Variants in ANKRD16 observed in about 807,000 individuals in gnomAD.
ANKRD16 encodes the protein ankyrin repeat domain 16, also known as ankyrin repeat domain-containing protein 16.
In ANKRD16, 35 loss-of-function variants were observed where a neutral mutation model predicts 37.9. The ratio of observed to expected loss-of-function variants is 0.92; its 90% confidence interval spans 0.71 to 1.23. The LOEUF is 1.23. ANKRD16 is among the 50% of genes most tolerant of loss of function. The pLI, the probability that ANKRD16 is intolerant of heterozygous loss-of-function variation, is 0.00. For missense variants in ANKRD16, 480 were observed against 469.9 expected, an observed-to-expected ratio of 1.02 and a Z score of -0.20; for synonymous variants, 206 against 197.2, an observed-to-expected ratio of 1.04 and a Z score of -0.37.
chr10:5,880,513 T>C, intron 5 of ANKRD16, 137 bp from the exon 6 acceptor site: 1 of 430,234 alleles, frequency 2.3e-6, no homozygotes, highest in Non-Finnish European at 4.1e-6. Context: ...GAGAGACAGG[T>C]CTGTGTCTCT....
Position 5,880,334 on chromosome 10 carries a change from C to T in ANKRD16, c.892G>A (p.Ala298Thr). The T allele has an allele frequency of 6.2e-7, 1 of 1,604,080 alleles. No homozygotes were observed. The highest frequency in any genetic ancestry group is 8.5e-7 in the Non-Finnish European group (1 of 1,176,136). ...TTTTCATCTTTAGAATTGATGTCAG[C>T]TCCCAAGGATAAGAGAGTCTGAATT... ...STIQTLLSLG[A>T]DINSKDEKNR... Residue 298 changes from alanine (A) to threonine (T), a missense_variant, in exon 6 of 8, where the codon GCT (alanine) becomes ACT (threonine). By Grantham distance (58) the Ala-to-Thr change is moderately conservative (BLOSUM62 0). Coordinates refer to ENST00000380094, the MANE Select transcript of ANKRD16 (RefSeq NM_019046.3).
chr10:5,867,549 A>G (rs1842034142), intron 7 of ANKRD16, among the ~76,000 whole-genome samples: 1 of 152,204 alleles, frequency 6.6e-6, no homozygotes, highest in Non-Finnish European at 1.5e-5. Flanking sequence ...TTAAAATCCC[A>G]AACTTATAAG....
At position 5,866,912 on chromosome 10, in the gene ANKRD16, G is replaced by C. The variant is rs184180096; in HGVS notation, c.*34-4221C>G. ...GAGACAGACAAAGAAGAGTCAGAGA[G>C]AGAGAAACAGAAAGTCAAAGAAAGA... On this transcript the variant is annotated intron_variant, in intron 7 of 7. Coordinates refer to ENST00000380094, the MANE Select transcript of ANKRD16 (RefSeq NM_019046.3). The surrounding 1 kb of genome is among the most constrained non-coding windows in gnomAD (Gnocchi z 4.3). 3.2e-4 allele frequency among the ~76,000 whole-genome samples: 49 copies of C among 152,104 alleles called. No homozygotes were observed. Among genetic ancestry groups the C allele is most frequent in the African/African-American group, 1.1e-3 (44 of 41,492 alleles).
At position 5,865,804 on chromosome 10, in the gene ANKRD16, A is replaced by G. The variant is rs535503193; in HGVS notation, c.*34-3113T>C. 7.2e-5 allele frequency among the ~76,000 whole-genome samples: 11 copies of G among 152,222 alleles called. No homozygotes were observed. The highest frequency in any genetic ancestry group is 2.6e-4 in the African/African-American group (11 of 41,534). On this transcript the variant is annotated intron_variant, in intron 7 of 7. Coordinates refer to ENST00000380094, the MANE Select transcript of ANKRD16 (RefSeq NM_019046.3). This position sits in a 1 kb window ranked among gnomAD's most constrained non-coding sequence, Gnocchi z 4.7. ...TGTCCCCTGCTTGAGGAGGGAATCA[A>G]CCCTGAAGTCTGGGCATTGGAAGGA...
chr10:5,866,022 G>A lies in ANKRD16; in HGVS notation c.*34-3331C>T, dbSNP rs778418849. Among the ~76,000 whole-genome samples the A allele has an allele frequency of 7.9e-5, 12 of 152,130 alleles. No individual in the cohort carries two copies. Among genetic ancestry groups the A allele is most frequent in the South Asian group, 4.1e-4 (2 of 4,828 alleles). On this transcript the variant is annotated intron_variant, in intron 7 of 7. Transcript: ENST00000380094. The surrounding 1 kb of genome is among the most constrained non-coding windows in gnomAD (Gnocchi z 4.3). ...CTCACTGTTTATGGGTAGTTGCAGC[G>A]GTGGCCGTCTCAGTGTTAGAGGCTA...
intron 5 of ANKRD16, among the ~76,000 whole-genome samples, chr10:5,880,813 T>C (rs1842287004): frequency 6.6e-6 from 1 of 152,224 alleles, no homozygotes; most frequent in East Asian, 1.9e-4. Context: ...GCTTTCAGCT[T>C]AATTTTTTTT....
Position 5,869,680 on chromosome 10 carries a change from G to A in ANKRD16, c.*34-6989C>T, listed in dbSNP as rs770615450. Among the ~76,000 whole-genome samples the A allele has an allele frequency of 7.4e-5, 11 of 149,164 alleles. No individual in the cohort carries two copies. Among genetic ancestry groups the A allele is most frequent in the Middle Eastern group, 3.4e-3 (1 of 292 alleles). ...CTGGGGAGGAACCGGCAGGGTGAAC[G>A]CGAGTATTTCTCCTCATGCACAAGA... On this transcript the variant is annotated intron_variant, in intron 7 of 7. Transcript: ENST00000380094. This position sits in a 1 kb window ranked among gnomAD's most constrained non-coding sequence, Gnocchi z 4.0.
chr10:5,881,925 G>A (rs1842323562), intron 5 of ANKRD16, among the ~76,000 whole-genome samples: 1 of 151,762 alleles, frequency 6.6e-6, no homozygotes, highest in Admixed American at 6.6e-5. Flanking sequence ...CTGACCTCAC[G>A]ATCCACCTGC....
intron 3 of ANKRD16, 61 bp from the exon 4 acceptor site, chr10:5,884,138 T>C (rs1842372556): frequency 3.1e-6 from 4 of 1,294,132 alleles, no homozygotes; most frequent in South Asian, 2.4e-5. Flanking sequence ...CAGGGGACAG[T>C]TGACACCTGA....
chr10:5,876,680 C>T (rs925156378), intron 7 of ANKRD16, among the ~76,000 whole-genome samples: 6 of 152,146 alleles, frequency 3.9e-5, no homozygotes, highest in South Asian at 2.1e-4. Context: ...ATAATTAAGA[C>T]GAACGGGAAA....
At chr10:5,882,300 T>G (rs1271005416) in intron 5 of ANKRD16, among the ~76,000 whole-genome samples, 2 of 151,774 alleles carry the variant, frequency 1.3e-5, no homozygotes, top group Admixed American at 1.3e-4. Context: ...TCCCAGCACT[T>G]TGGGAGGCCG....
At chr10:5,883,712 A>G (rs1348194997) in intron 4 of ANKRD16, among the ~76,000 whole-genome samples, 2 of 152,248 alleles carry the variant, frequency 1.3e-5, no homozygotes, top group South Asian at 2.1e-4. Context: ...AACAGCTACC[A>G]TTTACTGAAT....
At chr10:5,873,982 C>T (rs1396481787) in intron 7 of ANKRD16, among the ~76,000 whole-genome samples, 1 of 151,330 alleles carries the variant, frequency 6.6e-6, no homozygotes, top group African/African-American at 2.4e-5. Context: ...CCTCCAACTC[C>T]CGGGTTCCAG....
chr10:5,865,434 A>T lies in ANKRD16; in HGVS notation c.*34-2743T>A, dbSNP rs1841999579. On this transcript the variant is annotated intron_variant, in intron 7 of 7. Transcript: ENST00000380094. This position sits in a 1 kb window ranked among gnomAD's most constrained non-coding sequence, Gnocchi z 4.7. The stretch of plus-strand genomic sequence containing the variant: ...CACTGAGCCCCAGGTATGTTTAACT[A>T]TTGAGGGCCAGGAAATCGACTTCCT... 6.6e-6 allele frequency among the ~76,000 whole-genome samples: 1 copy of T among 152,152 alleles called. No homozygotes were observed. The highest frequency in any genetic ancestry group is 2.4e-5 in the African/African-American group (1 of 41,424).
intron 5 of ANKRD16, 176 bp downstream of exon 5, chr10:5,882,830 G>T: frequency 3.2e-6 from 2 of 618,632 alleles, no homozygotes; most frequent in Non-Finnish European, 5.0e-6. Context: ...ACAAATTCAA[G>T]TCAGGTTTCT....
rs1211669901 is a variant in ANKRD16, at chr10:5,865,741, T to C, written c.*34-3050A>G. Among the ~76,000 whole-genome samples the C allele has an allele frequency of 1.3e-5, 2 of 152,236 alleles. No individual in the cohort carries two copies. Among genetic ancestry groups the C allele is most frequent in the Non-Finnish European group, 2.9e-5 (2 of 68,042 alleles). ...GACATATTAGCCAAAGCTGGAGCTA[T>C]TATCTACATGAATATGGGGAACGAG... On this transcript the variant is annotated intron_variant, in intron 7 of 7. Coordinates refer to ENST00000380094, the MANE Select transcript of ANKRD16 (RefSeq NM_019046.3). This position sits in a 1 kb window ranked among gnomAD's most constrained non-coding sequence, Gnocchi z 4.7.
chr10:5,882,213 G>C (rs1842328136), intron 5 of ANKRD16, among the ~76,000 whole-genome samples: 1 of 152,062 alleles, frequency 6.6e-6, no homozygotes, highest in Non-Finnish European at 1.5e-5. Flanking sequence ...CCAGCTGCTC[G>C]AAAGCAGGAC....
chr10:5,875,844 C>G (rs769941943), intron 7 of ANKRD16, among the ~76,000 whole-genome samples: 2 of 151,748 alleles, frequency 1.3e-5, no homozygotes, highest in Non-Finnish European at 2.9e-5. Flanking sequence ...TCTCAAGTAA[C>G]TGGGATTACA....
chr10:5,888,398 G>T (rs1842488525), intron 1 of ANKRD16, among the ~76,000 whole-genome samples: 1 of 152,208 alleles, frequency 6.6e-6, no homozygotes, highest in South Asian at 2.1e-4. Flanking sequence ...ACATAACGAA[G>T]TCTATTCCCC....
Sources: allele counts gnomAD v4.1 joint callset (sites outside exome capture counted in the v4.1 genomes callset), GRCh38; gene constraint gnomAD v4.1.1; non-coding constraint Gnocchi (gnomAD v3.1); transcripts MANE v1.5; gene names NCBI Gene and HGNC (gene_info 2026-07-23, HGNC 2026-07-21).